The following PLA2G4A variants were observed in gnomAD, a reference collection of about 807,000 sequenced individuals.
The protein encoded by PLA2G4A is phospholipase A2 group IVA.
Under a neutral mutation model 81.9 loss-of-function variants are expected in PLA2G4A, and 40 were observed. The ratio of observed to expected loss-of-function variants is 0.49; its 90% CI spans 0.38 to 0.64. The LOEUF is 0.64. Among genes scored for constraint, PLA2G4A ranks in the 30% least tolerant of loss-of-function variants. The pLI, the probability that PLA2G4A is intolerant of heterozygous loss-of-function variation, is 0.00. For synonymous variants in PLA2G4A, 302 were observed against 296.9 expected (o/e 1.02, Z -0.18); for missense variants, 715 against 905.1 (o/e 0.79, Z 2.69).
intron 1 of PLA2G4A, among the ~76,000 whole-genome samples, chr1:186,846,076 G>C (rs1652163038): frequency 6.6e-6 from 1 of 152,208 alleles, no homozygotes; most frequent in African/African-American, 2.4e-5. Context: ...CATGAGAGTG[G>C]TTGTGCCAAC....
intron 7 of PLA2G4A, among the ~76,000 whole-genome samples, chr1:186,927,159 G>T (rs1655577342): frequency 6.6e-6 from 1 of 152,164 alleles, no homozygotes. Context: ...AGCTGCGATT[G>T]TTCTGTGCCC....
At chr1:186,849,306 G>A (rs1652294162) in intron 1 of PLA2G4A, among the ~76,000 whole-genome samples, 1 of 152,036 alleles carries the variant, frequency 6.6e-6, no homozygotes, top group Non-Finnish European at 1.5e-5. Flanking sequence ...TGCCTCTTTT[G>A]TTCTCCCAGG....
At chr1:186,914,308 C>G (rs946330218) in intron 7 of PLA2G4A, among the ~76,000 whole-genome samples, 2 of 150,254 alleles carry the variant, frequency 1.3e-5, no homozygotes, top group African/African-American at 4.9e-5. Flanking sequence ...TGCTATATTG[C>G]CCAGGTTGGT....
chr1:186,916,574 C>T (rs1655146097), intron 7 of PLA2G4A, among the ~76,000 whole-genome samples: 1 of 152,136 alleles, frequency 6.6e-6, no homozygotes. Flanking sequence ...TTCTTCTGTT[C>T]TGGCTAATAC....
At chr1:186,857,419 A>G (rs2102034136) in intron 2 of PLA2G4A, among the ~76,000 whole-genome samples, 1 of 130,140 alleles carries the variant, frequency 7.7e-6, no homozygotes, top group East Asian at 2.1e-4. Flanking sequence ...TATATAATGT[A>G]TAATATATAC....
chr1:186,935,280 G>A (rs569869152), intron 8 of PLA2G4A, among the ~76,000 whole-genome samples: 1 of 151,896 alleles, frequency 6.6e-6, no homozygotes, highest in African/African-American at 2.4e-5. Flanking sequence ...AATAAAACAT[G>A]AGAGTACAAA....
chr1:186,958,637 A>G (rs1002248452), intron 14 of PLA2G4A, among the ~76,000 whole-genome samples: 1 of 152,212 alleles, frequency 6.6e-6, no homozygotes, highest in Admixed American at 6.5e-5. Flanking sequence ...TCCCTTGGCC[A>G]CATACCATTC....
Position 186,988,380 on chromosome 1 carries a change from A to C in PLA2G4A, c.2122A>C (p.Ile708Leu). ...CAACTTCTGTCTCTATTTGCAGGTG[A>C]TAAAAGAAGCCATGGTTGAAAGCAT... ...HFNTLNNIDV[I>L]KEAMVESIEY... The change falls in exon 18 of 18, where the codon ATA (isoleucine) becomes CTA (leucine). Residue 708 changes from isoleucine (I) to leucine (L), a missense_variant. Transcript: ENST00000367466. The C allele has an allele frequency of 6.2e-7, 1 of 1,611,022 alleles. No individual in the cohort carries two copies. The highest frequency in any genetic ancestry group is 1.1e-5 in the South Asian group (1 of 90,994).
At chr1:186,980,441 T>C (rs1355362837) in intron 17 of PLA2G4A, among the ~76,000 whole-genome samples, 1 of 152,250 alleles carries the variant, frequency 6.6e-6, no homozygotes, top group African/African-American at 2.4e-5. Flanking sequence ...CAAATCATAG[T>C]GTCTGACAAA....
chr1:186,963,542 T>C (rs1357006208), intron 14 of PLA2G4A, among the ~76,000 whole-genome samples: 1 of 152,256 alleles, frequency 6.6e-6, no homozygotes, highest in Non-Finnish European at 1.5e-5. Context: ...TACCTTATCG[T>C]TGTCTTTAAA....
intron 1 of PLA2G4A, among the ~76,000 whole-genome samples, chr1:186,852,912 G>T (rs992631078): frequency 1.3e-5 from 2 of 151,824 alleles, no homozygotes; most frequent in East Asian, 1.9e-4. Context: ...CTCATAGTTT[G>T]GCCTCATCTT....
chr1:186,895,312 C>T lies in PLA2G4A; in HGVS notation c.378+1101C>T, dbSNP rs532796413. On this transcript the variant is annotated intron_variant, in intron 5 of 17. Coordinates refer to ENST00000367466, the MANE Select transcript of PLA2G4A (RefSeq NM_024420.3). ...AAATGAGCTTCTTGACTAGTCCATG[C>T]AATCAGAATGGCCCAGGTACCTTGA... 1.5e-3 allele frequency among the ~76,000 whole-genome samples: 222 copies of T among 152,318 alleles called. 1 individual carries two copies. The highest frequency in any genetic ancestry group is 2.7e-3 in the Admixed American group (42 of 15,298).
intron 6 of PLA2G4A, among the ~76,000 whole-genome samples, chr1:186,908,456 T>C (rs1654818305): frequency 6.6e-6 from 1 of 151,990 alleles, no homozygotes. Flanking sequence ...TTGATAGATT[T>C]CTAATCACTT....
At chr1:186,896,956 A>T (rs1654355227) in intron 5 of PLA2G4A, among the ~76,000 whole-genome samples, 1 of 152,080 alleles carries the variant, frequency 6.6e-6, no homozygotes, top group African/African-American at 2.4e-5. Flanking sequence ...CTCTGCCCTC[A>T]GCTTGGAATC....
At chr1:186,918,689 C>T (rs1183023745) in intron 7 of PLA2G4A, among the ~76,000 whole-genome samples, 1 of 152,252 alleles carries the variant, frequency 6.6e-6, no homozygotes, top group East Asian at 1.9e-4. Context: ...AACACCTCTA[C>T]ACAGTTATGC....
intron 8 of PLA2G4A, among the ~76,000 whole-genome samples, chr1:186,934,536 A>G (rs949885223): frequency 1.3e-5 from 2 of 150,684 alleles, no homozygotes; most frequent in Non-Finnish European, 3.0e-5. Context: ...ATTAATTAAA[A>G]GGATTTTAAA....
chr1:186,956,879 A>T (rs960156674), intron 14 of PLA2G4A, among the ~76,000 whole-genome samples: 1 of 151,738 alleles, frequency 6.6e-6, no homozygotes, highest in East Asian at 1.9e-4. Flanking sequence ...AGTATAGAAA[A>T]TTTTCATTAA....
chr1:186,907,146 T>A (rs1395718511), intron 6 of PLA2G4A, 144 bp downstream of exon 6: 2 of 610,548 alleles, frequency 3.3e-6, no homozygotes, highest in Admixed American at 5.4e-5. Context: ...TCTTTAGTTG[T>A]CTGTTAATAC....
intron 13 of PLA2G4A, among the ~76,000 whole-genome samples, chr1:186,954,720 C>G (rs1656686646): frequency 6.6e-6 from 1 of 151,920 alleles, no homozygotes; most frequent in African/African-American, 2.4e-5. Flanking sequence ...CATACACACA[C>G]AGTTTTATAA....
Sources: allele counts gnomAD v4.1 joint callset (sites outside exome capture counted in the v4.1 genomes callset), GRCh38; gene constraint gnomAD v4.1.1; transcripts MANE v1.5; gene names NCBI Gene and HGNC (gene_info 2026-07-23, HGNC 2026-07-21).